Variants in UTY observed in about 807,000 individuals in gnomAD.
UTY encodes ubiquitously transcribed tetratricopeptide repeat containing, Y-linked.
UTY carries 12 observed loss-of-function variants against 32.5 expected under a neutral mutation model. The ratio of observed to expected loss-of-function variants is 0.37; its 90% confidence interval spans 0.24 to 0.60. The LOEUF (loss-of-function observed/expected upper bound fraction) is 0.60, where lower values mean the gene tolerates loss of function less well. Among genes scored for constraint, UTY ranks in the 20% least tolerant of loss-of-function variants. The pLI is 0.69. For synonymous variants in UTY, 131 were observed against 103.4 expected, an observed-to-expected ratio of 1.27 and a Z score of -1.62; for missense variants, 303 against 299.2, an observed-to-expected ratio of 1.01 and a Z score of -0.09.
chrY:13,279,120 A>G (rs2056852801), intron 27 of UTY, among the ~76,000 whole-genome samples: 1 of 34,370 alleles, frequency 2.9e-5, no homozygotes, highest in African/African-American at 1.1e-4. Flanking sequence ...ACAAGAGTGT[A>G]TACCTGGTAA....
chrY:13,243,068 C>G, intron 28 of UTY, among the ~76,000 whole-genome samples: 1 of 31,069 alleles, frequency 3.2e-5, no homozygotes, highest in Non-Finnish European at 7.7e-5. Flanking sequence ...AACCCCGTCT[C>G]TACTAAAAAT....
At chrY:13,423,599 G>A (rs2072899862) in intron 4 of UTY, among the ~76,000 whole-genome samples, 2 of 33,283 alleles carry the variant, frequency 6.0e-5, no homozygotes, top group Non-Finnish European at 1.5e-4. Context: ...AAAAGCTGAC[G>A]TACTACCCCT....
chrY:13,468,219 C>T, intron 3 of UTY, among the ~76,000 whole-genome samples: 1 of 31,975 alleles, frequency 3.1e-5, no homozygotes, highest in Non-Finnish European at 7.6e-5. Flanking sequence ...TTGCAGTGAG[C>T]CGACATTGTG....
At chrY:13,285,861 C>G in intron 27 of UTY, among the ~76,000 whole-genome samples, 3 of 34,264 alleles carry the variant, frequency 8.8e-5, no homozygotes, top group Admixed American at 7.8e-4. Flanking sequence ...CTAATGAATG[C>G]TAGACTAACT....
At chrY:13,382,519 T>G in intron 8 of UTY, among the ~76,000 whole-genome samples, 1 of 34,060 alleles carries the variant, frequency 2.9e-5, no homozygotes, top group Non-Finnish European at 7.3e-5. Context: ...CCTCCATTTG[T>G]TTTTGGAAGT....
intron 21 of UTY, among the ~76,000 whole-genome samples, chrY:13,308,666 C>A: frequency 3.0e-5 from 1 of 33,254 alleles, no homozygotes; most frequent in Non-Finnish European, 7.4e-5. Context: ...TATTACACCA[C>A]ATAATCTAGC....
At chrY:13,339,656 G>A (rs2061360067) in intron 17 of UTY, among the ~76,000 whole-genome samples, 1 of 33,603 alleles carries the variant, frequency 3.0e-5, no homozygotes, top group South Asian at 6.5e-4. Flanking sequence ...GTGTGAAAGT[G>A]TGTGAAAGAG....
chrY:13,447,886 A>G (rs929555451), intron 4 of UTY, among the ~76,000 whole-genome samples: 1 of 33,936 alleles, frequency 2.9e-5, no homozygotes, highest in Admixed American at 2.7e-4. Flanking sequence ...TAGTCCTATC[A>G]CCCTGTAGCC....
intron 15 of UTY, among the ~76,000 whole-genome samples, chrY:13,357,328 A>G (rs2063032854): frequency 3.1e-5 from 1 of 32,630 alleles, no homozygotes; most frequent in Non-Finnish European, 7.5e-5. Context: ...AGATAGGCAC[A>G]TCATTTGAGG....
chrY:13,245,769 A>G, downstream of UTY, among the ~76,000 whole-genome samples: 1 of 33,713 alleles, frequency 3.0e-5, no homozygotes, highest in Non-Finnish European at 7.3e-5. Flanking sequence ...TGATTCTTTT[A>G]TATAAAACCA....
Position 13,323,598 on chromosome Y carries a change from T to C in UTY, c.3233A>G (p.Lys1078Arg), listed in dbSNP as rs745747883. ...ESNRSHTTIA[K>R]YAQYQASSFQ... ...GGAGGAAGCCTGGTATTGTGCGTAT[T>C]TGGCAATTGTAGTATGAGATCTATT... The change falls in exon 21 of 30, where the codon AAA (lysine) becomes AGA (arginine). Residue 1078 changes from lysine (K) to arginine (R), a missense_variant. Physicochemically the swap from Lys to Arg is conservative, Grantham distance 26 (BLOSUM62 2). Transcript: ENST00000545955. 1 of 397,864 alleles carries C rather than the reference T, an allele frequency of 2.5e-6. No homozygotes were observed. The highest frequency in any genetic ancestry group is 3.0e-5 in the South Asian group (1 of 33,754).
At chrY:13,434,494 TGAA>T (rs2074352013) in intron 4 of UTY, among the ~76,000 whole-genome samples, 1 of 33,801 alleles carries the variant, frequency 3.0e-5, no homozygotes, top group African/African-American at 1.2e-4. Flanking sequence ...TAAGACTGGT[TGAA>T]GAGATTTTAA....
At chrY:13,470,659 A>AAAT (rs2078409428) in intron 2 of UTY, among the ~76,000 whole-genome samples, 1 of 33,006 alleles carries the variant, frequency 3.0e-5, no homozygotes, top group Non-Finnish European at 7.4e-5. Flanking sequence ...CTGACTTTAA[A>AAAT]AATAATAATA....
At chrY:13,310,624 A>G (rs889088411) in intron 21 of UTY, among the ~76,000 whole-genome samples, 1 of 33,610 alleles carries the variant, frequency 3.0e-5, no homozygotes, top group Non-Finnish European at 7.4e-5. Flanking sequence ...TGAAAAACAC[A>G]TAACTTTGAA....
intron 4 of UTY, among the ~76,000 whole-genome samples, chrY:13,447,815 A>C: frequency 3.0e-5 from 1 of 33,450 alleles, no homozygotes; most frequent in Non-Finnish European, 7.4e-5. Flanking sequence ...GAGACTAAGA[A>C]CTGTTTTGCA....
intron 28 of UTY, among the ~76,000 whole-genome samples, chrY:13,241,996 C>T (rs764894119): frequency 1.2e-4 from 4 of 32,629 alleles, no homozygotes; most frequent in African/African-American, 4.8e-4. Context: ...ACCTGCGAGG[C>T]GGAGGTTGCA....
At chrY:13,385,544 C>T in intron 8 of UTY, among the ~76,000 whole-genome samples, 1 of 32,803 alleles carries the variant, frequency 3.0e-5, no homozygotes, top group Non-Finnish European at 7.5e-5. Context: ...CCCACTTCAG[C>T]CTACTGAATA....
intron 3 of UTY, among the ~76,000 whole-genome samples, chrY:13,457,650 C>T: frequency 3.0e-5 from 1 of 33,333 alleles, no homozygotes; most frequent in Non-Finnish European, 7.4e-5. Context: ...ACCTAACAAA[C>T]ATGCCTCAGC....
intron 24 of UTY, 40 bp downstream of exon 24, chrY:13,305,359 T>C (rs1186896152): frequency 2.6e-6 from 1 of 384,944 alleles, no homozygotes; most frequent in Admixed American, 7.7e-5. Context: ...ATAAACTCAA[T>C]TTTTTCAATC....
Sources: allele counts gnomAD v4.1 joint callset (sites outside exome capture counted in the v4.1 genomes callset), GRCh38; gene constraint gnomAD v4.1.1; transcripts MANE v1.5; gene names NCBI Gene and HGNC (gene_info 2026-07-23, HGNC 2026-07-21).